TOP6BL: variants seen among roughly 807,000 people sequenced by gnomAD.
The protein encoded by TOP6BL is TOP6B like initiator of meiotic double strand breaks.
chr11:66,752,142 CTTTT>C, the TOP6BL span, among the ~76,000 whole-genome samples: 6 of 137,902 alleles, frequency 4.4e-5, no homozygotes, highest in Admixed American at 7.4e-5. Context: ...CCCTCTCTCT[CTTTT>C]TTTTTTTTTT....
chr11:66,766,691 A>G, the TOP6BL span, among the ~76,000 whole-genome samples: 3 of 152,204 alleles, frequency 2.0e-5, no homozygotes, highest in South Asian at 2.1e-4. Context: ...CAATTCAGAC[A>G]GCTTTTCTAC....
chr11:66,802,944 A>G, the TOP6BL span, among the ~76,000 whole-genome samples: 1 of 152,168 alleles, frequency 6.6e-6, no homozygotes, highest in Non-Finnish European at 1.5e-5. Flanking sequence ...AGGTTCATTA[A>G]TATTTCCTCT....
chr11:66,788,242 G>T, the TOP6BL span: 1 of 1,613,152 alleles, frequency 6.2e-7, no homozygotes, highest in Non-Finnish European at 8.5e-7. Context: ...ATATGACAGG[G>T]GTAACACCCT....
At chr11:66,825,495 CA>C in the TOP6BL span, among the ~76,000 whole-genome samples, 119 of 140,064 alleles carry the variant, frequency 8.5e-4, no homozygotes, top group Non-Finnish European at 7.9e-4. Flanking sequence ...CTGTCCCAAC[CA>C]AAAAAAAAAA....
chr11:66,821,757 C>T, the TOP6BL span: 3 of 1,613,360 alleles, frequency 1.9e-6, no homozygotes, highest in Admixed American at 5.0e-5. Flanking sequence ...CATCACCAGG[C>T]TGCCAAGGTA....
chr11:66,748,933 T>C, the TOP6BL span, among the ~76,000 whole-genome samples: 1 of 151,268 alleles, frequency 6.6e-6, no homozygotes, highest in African/African-American at 2.4e-5. Context: ...TTTGAAAATA[T>C]CTCTTCCATT....
At chr11:66,745,226 A>G in the TOP6BL span, among the ~76,000 whole-genome samples, 1 of 144,726 alleles carries the variant, frequency 6.9e-6, no homozygotes, top group Non-Finnish European at 1.5e-5. Context: ...TGCCTGCCGG[A>G]GCCCAGCGCC....
chr11:66,773,100 G>A, the TOP6BL span, among the ~76,000 whole-genome samples: 1 of 151,646 alleles, frequency 6.6e-6, no homozygotes, highest in African/African-American at 2.4e-5. Flanking sequence ...TTGAGACATG[G>A]TCTCTGTCGC....
At chr11:66,759,100 A>G in the TOP6BL span, 4 of 1,527,786 alleles carry the variant, frequency 2.6e-6, no homozygotes, top group African/African-American at 4.0e-5. Flanking sequence ...CTAAAAGGTA[A>G]AGAATTACCT....
chr11:66,762,166 A>G, the TOP6BL span: 1 of 811,726 alleles, frequency 1.2e-6, no homozygotes, highest in Non-Finnish European at 2.2e-6. Flanking sequence ...TCAGGAAATC[A>G]ATCAAAGCTT....
At chr11:66,769,883 G>A in the TOP6BL span, among the ~76,000 whole-genome samples, 6 of 151,740 alleles carry the variant, frequency 4.0e-5, no homozygotes, top group African/African-American at 1.5e-4. Context: ...TGGGACTACA[G>A]GCGCCCACCA....
At chr11:66,828,246 C>G in the TOP6BL span, 1 of 1,585,650 alleles carries the variant, frequency 6.3e-7, no homozygotes, top group Non-Finnish European at 8.7e-7. Context: ...TCAGCATGTT[C>G]TATTTCTGGC....
At chr11:66,828,190 T>G in the TOP6BL span, 10 of 1,012,176 alleles carry the variant, frequency 9.9e-6, no homozygotes, top group Non-Finnish European at 1.5e-5. Context: ...TCTCCCTGTA[T>G]AAACTTTCTG....
the TOP6BL span, chr11:66,821,871 TCTC>T: frequency 5.4e-6 from 7 of 1,302,918 alleles, no homozygotes; most frequent in African/African-American, 1.0e-4. Flanking sequence ...TGCCCCTTCC[TCTC>T]CTCTTCTGTC....
At chr11:66,816,233 T>C in the TOP6BL span, 59 of 1,586,060 alleles carry the variant, frequency 3.7e-5, no homozygotes, top group Non-Finnish European at 4.6e-5. Context: ...CCAGCTGGGG[T>C]GTGCCAAATG....
At chr11:66,798,139 A>G in the TOP6BL span, among the ~76,000 whole-genome samples, 1 of 152,196 alleles carries the variant, frequency 6.6e-6, no homozygotes, top group Non-Finnish European at 1.5e-5. Context: ...ACCTTATGTT[A>G]CACAGAAAGA....
the TOP6BL span, among the ~76,000 whole-genome samples, chr11:66,824,845 A>G: frequency 6.6e-6 from 1 of 151,796 alleles, no homozygotes; most frequent in African/African-American, 2.4e-5. Context: ...CCAGTCTATC[A>G]TTGTTGGATA....
At chr11:66,837,585 C>T in the TOP6BL span, among the ~76,000 whole-genome samples, 1 of 151,526 alleles carries the variant, frequency 6.6e-6, no homozygotes, top group Admixed American at 6.6e-5. Flanking sequence ...GCTGGGATTA[C>T]AGGAGCCCAC....
chr11:66,812,390 A>T, the TOP6BL span, among the ~76,000 whole-genome samples: 1 of 152,118 alleles, frequency 6.6e-6, no homozygotes, highest in African/African-American at 2.4e-5. Context: ...GTTAGCCAGG[A>T]TGGTCTCAAT....
Sources: allele counts gnomAD v4.1 joint callset (sites outside exome capture counted in the v4.1 genomes callset), GRCh38; gene constraint gnomAD v4.1.1; transcripts MANE v1.5; gene names NCBI Gene and HGNC (gene_info 2026-07-23, HGNC 2026-07-21).